The following PDZRN4 variants were observed in gnomAD, a reference collection of about 807,000 sequenced individuals.
PDZRN4 encodes PDZ domain-containing RING finger protein 4.
A neutral mutation model predicts 99.0 loss-of-function variants in PDZRN4; 70 were observed. The ratio of observed to expected loss-of-function variants is 0.71; its 90% CI spans 0.58 to 0.86. The LOEUF (loss-of-function observed/expected upper bound fraction) is 0.86, where lower values mean the gene tolerates loss of function less well. PDZRN4 is among the 40% of genes least tolerant of loss of function. PDZRN4 has a pLI of 0.00. For missense variants in PDZRN4, 1,474 were observed against 1,331.2 expected, an observed-to-expected ratio of 1.11 and a Z score of -1.67; for synonymous variants, 551 against 501.6, an observed-to-expected ratio of 1.10 and a Z score of -1.32.
intron 3 of PDZRN4, among the ~76,000 whole-genome samples, chr12:41,255,301 C>G (rs1007883294): frequency 6.6e-6 from 1 of 152,038 alleles, no homozygotes; most frequent in African/African-American, 2.4e-5. Flanking sequence ...GTCACACAAA[C>G]CAGAATATGT....
At chr12:41,406,089 TA>T (rs143300113) in intron 3 of PDZRN4, among the ~76,000 whole-genome samples, 3 of 151,652 alleles carry the variant, frequency 2.0e-5, no homozygotes, top group African/African-American at 2.4e-5. Context: ...TATTTAAAAC[TA>T]AAAAAAACCA....
At chr12:41,477,314 T>C (rs1277847669) in intron 3 of PDZRN4, among the ~76,000 whole-genome samples, 1 of 152,178 alleles carries the variant, frequency 6.6e-6, no homozygotes, top group African/African-American at 2.4e-5. Flanking sequence ...GGGAATTAAA[T>C]AGTAAGTAGC....
intron 9 of PDZRN4, among the ~76,000 whole-genome samples, chr12:41,568,955 C>G (rs553176392): frequency 8.0e-5 from 12 of 150,570 alleles, no homozygotes; most frequent in Admixed American, 2.0e-4. Flanking sequence ...CAGATGCCCA[C>G]CACCATGCCC....
At chr12:41,360,952 G>A (rs1389891125) in intron 3 of PDZRN4, among the ~76,000 whole-genome samples, 1 of 60,434 alleles carries the variant, frequency 1.7e-5, no homozygotes, top group African/African-American at 5.6e-5. Flanking sequence ...GTGTGTGTGT[G>A]TGTGTGTGTG....
intron 7 of PDZRN4, among the ~76,000 whole-genome samples, chr12:41,558,611 A>G (rs111415593): frequency 1.3e-5 from 2 of 152,328 alleles, no homozygotes; most frequent in Admixed American, 6.5e-5. Flanking sequence ...TATTGTGGGC[A>G]GGTAAGTTTT....
At chr12:41,455,627 G>T (rs991228979) in intron 3 of PDZRN4, among the ~76,000 whole-genome samples, 1 of 152,130 alleles carries the variant, frequency 6.6e-6, no homozygotes, top group African/African-American at 2.4e-5. Context: ...ACTCCTCCCC[G>T]ATCTTAGGAT....
Position 41,188,563 on chromosome 12 carries a change from C to G in PDZRN4, c.108C>G (p.Val36=), listed in dbSNP as rs771258346. 20 of 1,552,116 alleles carry G rather than the reference C, an allele frequency of 1.3e-5. No individual in the cohort carries two copies. Among genetic ancestry groups the G allele is most frequent in the Non-Finnish European group, 1.6e-5 (19 of 1,156,282 alleles). The change falls in exon 1 of 10, where the codon GTC becomes GTG. Residue 36 remains valine (V), a synonymous_variant. Coordinates refer to ENST00000402685, the MANE Select transcript of PDZRN4 (RefSeq NM_001164595.2). ...CCCTGTGCACGCCGTGCGGGCACGTCTTCTGCGCCAGCTGCCTGTTGCCCT... is the reference window on the plus strand; with the variant it reads ...CCCTGTGCACGCCGTGCGGGCACGTGTTCTGCGCCAGCTGCCTGTTGCCCT... ...EEPLCTPCGH[V]FCASCLLPWA...
intron 3 of PDZRN4, among the ~76,000 whole-genome samples, chr12:41,241,069 C>T (rs1951098848): frequency 6.6e-6 from 1 of 151,796 alleles, no homozygotes; most frequent in South Asian, 2.1e-4. Context: ...CCTTATTATT[C>T]CAAGTTGTGT....
Position 41,509,857 on chromosome 12 carries a change from G to T in PDZRN4, c.1147G>T (p.Glu383Ter). 1 of 1,604,268 alleles carries T rather than the reference G, an allele frequency of 6.2e-7. No individual in the cohort carries two copies. The highest frequency in any genetic ancestry group is 1.1e-5 in the South Asian group (1 of 90,192). The change falls in exon 5 of 10, where the codon GAG becomes TAG. Residue 383 changes from glutamate to a stop codon, truncating the protein, a stop_gained. Coordinates refer to ENST00000402685, the MANE Select transcript of PDZRN4 (RefSeq NM_001164595.2). LOFTEE classifies it high-confidence loss of function. The part of the protein sequence containing the change: ...PMEHEFYEDN[E>*]YISSLPADAD... ...GGAGCATGAATTTTATGAGGACAAT[G>T]AGTATATTTCCAGCTTGCCTGCTGA...
chr12:41,476,348 A>G (rs559267988), intron 3 of PDZRN4, among the ~76,000 whole-genome samples: 2 of 152,318 alleles, frequency 1.3e-5, no homozygotes, highest in African/African-American at 4.8e-5. Flanking sequence ...TAGAATCACA[A>G]TTAGAGATTA....
chr12:41,376,150 G>A (rs1281224327), intron 3 of PDZRN4, among the ~76,000 whole-genome samples: 2 of 151,934 alleles, frequency 1.3e-5, no homozygotes, highest in African/African-American at 4.8e-5. Context: ...CAATTTTTTA[G>A]TTTGTCTTGG....
chr12:41,344,926 C>A (rs1012301507), intron 3 of PDZRN4, among the ~76,000 whole-genome samples: 1 of 151,808 alleles, frequency 6.6e-6, no homozygotes, highest in Admixed American at 6.6e-5. Flanking sequence ...TAGACACAAC[C>A]ACTGGAGAGT....
At chr12:41,561,406 A>G (rs1156353819) in intron 7 of PDZRN4, among the ~76,000 whole-genome samples, 1 of 151,744 alleles carries the variant, frequency 6.6e-6, no homozygotes, top group Non-Finnish European at 1.5e-5. Flanking sequence ...TAAGATTTTT[A>G]CCTGTATCGA....
At chr12:41,321,163 T>A (rs1951674773) in intron 3 of PDZRN4, among the ~76,000 whole-genome samples, 1 of 152,134 alleles carries the variant, frequency 6.6e-6, no homozygotes, top group Non-Finnish European at 1.5e-5. Flanking sequence ...AAAAATAAGG[T>A]GTCTGCTGTT....
intron 3 of PDZRN4, among the ~76,000 whole-genome samples, chr12:41,360,467 T>C (rs1267331000): frequency 6.6e-6 from 1 of 152,142 alleles, no homozygotes; most frequent in African/African-American, 2.4e-5. Context: ...CTCCCAGACA[T>C]TCAGTTCCAG....
At chr12:41,220,461 A>G (rs1308896692) in intron 3 of PDZRN4, among the ~76,000 whole-genome samples, 1 of 152,158 alleles carries the variant, frequency 6.6e-6, no homozygotes, top group East Asian at 1.9e-4. Context: ...AAGGGTTTCA[A>G]CATACAAATT....
At chr12:41,369,255 T>C (rs1196127471) in intron 3 of PDZRN4, among the ~76,000 whole-genome samples, 1 of 152,080 alleles carries the variant, frequency 6.6e-6, no homozygotes, top group African/African-American at 2.4e-5. Context: ...TTTTGTCTGT[T>C]TTCAGTTTCT....
intron 5 of PDZRN4, among the ~76,000 whole-genome samples, chr12:41,535,246 C>G (rs1483882332): frequency 6.6e-6 from 1 of 152,032 alleles, no homozygotes. Context: ...TGCGTTGTTT[C>G]TTTGTGTATT....
intron 3 of PDZRN4, among the ~76,000 whole-genome samples, chr12:41,285,540 A>G (rs1315257692): frequency 6.6e-6 from 1 of 152,218 alleles, no homozygotes; most frequent in Non-Finnish European, 1.5e-5. Context: ...ATTCTACTAT[A>G]AAGATACATG....
Sources: gnomAD v4.1 joint callset for allele counts (sites outside exome capture counted in the v4.1 genomes callset) on GRCh38, gnomAD v4.1.1 for gene constraint, MANE v1.5 for transcripts, NCBI Gene and HGNC (gene_info 2026-07-23, HGNC 2026-07-21) for gene names.